CTNNB1: variants seen among roughly 807,000 people sequenced by gnomAD.
The protein encoded by CTNNB1 is catenin beta-1.
A neutral mutation model predicts 82.5 loss-of-function variants in CTNNB1; 6 were observed. The ratio of observed to expected loss-of-function variants is 0.07; its 90% CI spans 0.04 to 0.14. CTNNB1 has a LOEUF of 0.14. CTNNB1 is among the 10% of genes least tolerant of loss of function. The pLI is 1.00. For missense variants in CTNNB1, 529 were observed against 980.4 expected (o/e 0.54, Z 6.15); for synonymous variants, 312 against 329.7 (o/e 0.95, Z 0.58).
At chr3:41,223,567 A>C (rs2078102298) in intron 1 of CTNNB1, among the ~76,000 whole-genome samples, 1 of 152,126 alleles carries the variant, frequency 6.6e-6, no homozygotes, top group South Asian at 2.1e-4. Flanking sequence ...TCAGAAAACA[A>C]CTTGTTAAAG....
chr3:41,234,778 C>G (rs1281703892), intron 10 of CTNNB1: 1 of 167,632 alleles, frequency 6.0e-6, no homozygotes, highest in African/African-American at 2.4e-5. Context: ...CTCTTAACCA[C>G]AAAAATCTCA....
chr3:41,231,159 C>G (rs773772170), intron 7 of CTNNB1, among the ~76,000 whole-genome samples: 6 of 152,086 alleles, frequency 3.9e-5, no homozygotes, highest in Non-Finnish European at 8.8e-5. Flanking sequence ...AACCCCATCT[C>G]TACTAAAAAT....
chr3:41,205,087 A>G (rs1003872326), intron 1 of CTNNB1, among the ~76,000 whole-genome samples: 10 of 152,200 alleles, frequency 6.6e-5, no homozygotes, highest in Non-Finnish European at 7.3e-5. Context: ...AGAGTTCTTT[A>G]AGTGTATTTT....
chr3:41,215,794 T>C (rs1156680290), intron 1 of CTNNB1, among the ~76,000 whole-genome samples: 15 of 152,224 alleles, frequency 9.9e-5, no homozygotes, highest in South Asian at 2.1e-4. Context: ...TAGAAACTTT[T>C]TTGAAATAAA....
intron 1 of CTNNB1, among the ~76,000 whole-genome samples, chr3:41,206,530 A>G (rs1178381998): frequency 6.6e-6 from 1 of 152,178 alleles, no homozygotes; most frequent in Non-Finnish European, 1.5e-5. Flanking sequence ...TTAAGTGGTG[A>G]TAGTAGTTTG....
At chr3:41,205,157 C>G (rs931932462) in intron 1 of CTNNB1, among the ~76,000 whole-genome samples, 3 of 152,142 alleles carry the variant, frequency 2.0e-5, no homozygotes, top group Admixed American at 6.5e-5. Flanking sequence ...TCTGTGTATA[C>G]AACTCAAGTC....
intron 7 of CTNNB1, among the ~76,000 whole-genome samples, chr3:41,228,723 T>C (rs2078236154): frequency 6.6e-6 from 1 of 152,224 alleles, no homozygotes; most frequent in Admixed American, 6.5e-5. Flanking sequence ...GCGCAGAAGC[T>C]CTTTATACTG....
At chr3:41,220,984 A>C (rs942923250) in intron 1 of CTNNB1, 1 of 152,220 alleles carries the variant, frequency 6.6e-6, no homozygotes, top group Non-Finnish European at 1.5e-5. Context: ...AATCGGAAAT[A>C]GCACGGTGAA....
In CTNNB1 at chr3:41,227,230, G is replaced by A. The variant is rs1348918944; in HGVS notation, c.959G>A (p.Gly320Glu). ...TAGCTCATCATACTGGCTAGTGGTG[G>A]ACCCCAAGCTTTAGTAAATATAATG... ...ESKLIILASGGPQALVNIMRT... is the reference protein window; with the variant it reads ...ESKLIILASGEPQALVNIMRT... Residue 320 changes from glycine to glutamate, a missense_variant, in exon 7 of 15, where the codon GGA (glycine) becomes GAA (glutamate). Around this residue, in one of 4 missense-constraint regions of CTNNB1, gnomAD observed 411 missense variants for 776.4 expected, o/e 0.53. Coordinates refer to ENST00000349496, the MANE Select transcript of CTNNB1 (RefSeq NM_001904.4). 1 of 1,611,492 alleles carries A rather than the reference G, an allele frequency of 6.2e-7. No homozygotes were observed. The highest frequency in any genetic ancestry group is 1.1e-5 in the South Asian group (1 of 91,030).
intron 1 of CTNNB1, among the ~76,000 whole-genome samples, chr3:41,208,713 C>T (rs1003912250): frequency 2.6e-5 from 4 of 152,230 alleles, no homozygotes; most frequent in African/African-American, 9.6e-5. Context: ...TTATCTTCTC[C>T]TCTGTCACTG....
chr3:41,229,217 A>C (rs2078247256), intron 7 of CTNNB1, among the ~76,000 whole-genome samples: 1 of 151,940 alleles, frequency 6.6e-6, no homozygotes, highest in South Asian at 2.1e-4. Context: ...TGAATTTTTA[A>C]ATAGTTTTTT....
At chr3:41,210,731 A>G (rs2077762262) in intron 1 of CTNNB1, among the ~76,000 whole-genome samples, 1 of 152,162 alleles carries the variant, frequency 6.6e-6, no homozygotes, top group South Asian at 2.1e-4. Context: ...TAGTAAGTAC[A>G]TAAACCTGTA....
At chr3:41,209,281 C>T (rs1315714640) in intron 1 of CTNNB1, among the ~76,000 whole-genome samples, 1 of 152,132 alleles carries the variant, frequency 6.6e-6, no homozygotes, top group Non-Finnish European at 1.5e-5. Flanking sequence ...TGTTTGCTAA[C>T]GATTTCCAAA....
intron 1 of CTNNB1, among the ~76,000 whole-genome samples, chr3:41,210,813 G>A (rs2077765414): frequency 6.7e-6 from 1 of 149,810 alleles, no homozygotes; most frequent in Non-Finnish European, 1.5e-5. Flanking sequence ...TTTTTGAGAT[G>A]GCATCTCACT....
intron 2 of CTNNB1, 117 bp from the exon 3 acceptor site, chr3:41,224,409 T>C: frequency 9.8e-6 from 11 of 1,123,120 alleles, no homozygotes; most frequent in Non-Finnish European, 1.3e-5. Flanking sequence ...CTTGGCTGTC[T>C]TTCAGATTTG....
chr3:41,239,093 C>T (rs2078510684), intron 14 of CTNNB1, 41 bp from the exon 15 acceptor site: 2 of 1,540,832 alleles, frequency 1.3e-6, no homozygotes, highest in Admixed American at 1.7e-5. Flanking sequence ...TCTCTTTTGC[C>T]TTCCTTCTTG....
chr3:41,208,986 C>A (rs887050506), intron 1 of CTNNB1, among the ~76,000 whole-genome samples: 1 of 152,176 alleles, frequency 6.6e-6, no homozygotes, highest in Non-Finnish European at 1.5e-5. Flanking sequence ...TCTTTTGAAC[C>A]CCTGCCAGTG....
chr3:41,213,187 T>C (rs1362422611), intron 1 of CTNNB1, among the ~76,000 whole-genome samples: 1 of 152,230 alleles, frequency 6.6e-6, no homozygotes, highest in Non-Finnish European at 1.5e-5. Context: ...ATCAAACTAC[T>C]CTGATCTCAA....
At chr3:41,219,296 A>G (rs1383495799) in intron 1 of CTNNB1, among the ~76,000 whole-genome samples, 1 of 152,198 alleles carries the variant, frequency 6.6e-6, no homozygotes, top group South Asian at 2.1e-4. Flanking sequence ...CTGATCAAAG[A>G]TGCTGTGTGG....
Sources: allele counts gnomAD v4.1 joint callset (sites outside exome capture counted in the v4.1 genomes callset), GRCh38; gene constraint gnomAD v4.1.1; regional missense constraint gnomAD v4.1.1; transcripts MANE v1.5; gene names NCBI Gene and HGNC (gene_info 2026-07-23, HGNC 2026-07-21).